KANK1: variants seen among roughly 807,000 people sequenced by gnomAD.
KANK1 encodes the protein KN motif and ankyrin repeat domains 1.
In KANK1, 109 loss-of-function variants were observed where a neutral mutation model predicts 106.2. The ratio of observed to expected loss-of-function variants is 1.03; its 90% CI spans 0.88 to 1.20. KANK1 has a LOEUF of 1.20. KANK1 is among the 50% of genes most tolerant of loss of function. The probability of loss-of-function intolerance (pLI) is 0.00; values close to 1 mark genes in which losing one functional copy is unlikely to be tolerated. For missense variants in KANK1, 2,399 were observed against 1,710.7 expected (o/e 1.40, Z -7.10); for synonymous variants, 873 against 652.2 (o/e 1.34, Z -5.16).
At chr9:574,973 A>G (rs903128144) in intron 1 of KANK1, among the ~76,000 whole-genome samples, 28 of 152,120 alleles carry the variant, frequency 1.8e-4, no homozygotes, top group African/African-American at 6.3e-4. Context: ...GTCATTTTAC[A>G]TATCAAAAGC....
intron 1 of KANK1, among the ~76,000 whole-genome samples, chr9:516,778 G>T (rs912739236): frequency 6.6e-6 from 1 of 151,554 alleles, no homozygotes; most frequent in African/African-American, 2.4e-5. Flanking sequence ...GCATACTAAG[G>T]CTGTCAGATC....
At chr9:535,211 A>G (rs2060242055) in intron 1 of KANK1, among the ~76,000 whole-genome samples, 1 of 152,104 alleles carries the variant, frequency 6.6e-6, no homozygotes, top group Non-Finnish European at 1.5e-5. Flanking sequence ...AGACCTCAGT[A>G]CCTATGTCCC....
rs539791334 is a variant in KANK1 at position 696,624 on chromosome 9, G to A, written c.38-14180G>A. On this transcript the variant is annotated intron_variant, in intron 2 of 11. Coordinates refer to ENST00000382297, the MANE Select transcript of KANK1 (RefSeq NM_015158.5). ...TTCTCAGTACGTTGAGGTTTGGGGT[G>A]GGGAGGAACCTGGGAGGTGCTGGAT... Among the ~76,000 whole-genome samples, 118 of 152,208 alleles carry A rather than the reference G, an allele frequency of 7.8e-4. No homozygotes were observed. In the Middle Eastern group the frequency reaches 0.01, roughly 13 times the overall value.
rs1453117790 is a variant in KANK1, at chr9:597,786, C to T, written c.-83-79104C>T. Among the ~76,000 whole-genome samples the T allele has an allele frequency of 2.0e-5, 3 of 151,726 alleles. No homozygotes were observed. The East Asian group carries it at 5.8e-4, about 29-fold the overall frequency. Reference sequence around the variant, plus strand: ...TCAAGTGATTCTCCTGCCTCAGCCTCCTGGGTAGCTGGGATTACAGGCATG... The same window carrying T: ...TCAAGTGATTCTCCTGCCTCAGCCTTCTGGGTAGCTGGGATTACAGGCATG... On this transcript the variant is annotated intron_variant, in intron 1 of 11. Coordinates refer to ENST00000382297, the MANE Select transcript of KANK1 (RefSeq NM_015158.5).
chr9:626,483 A>G (rs1834376212), intron 1 of KANK1, among the ~76,000 whole-genome samples: 1 of 152,230 alleles, frequency 6.6e-6, no homozygotes, highest in African/African-American at 2.4e-5. Context: ...TATTCTAGAT[A>G]CAAATATTCT....
At position 474,620 on chromosome 9, in the gene KANK1, T is replaced by G. The variant is rs540868709; in HGVS notation, c.-362+1347T>G. The stretch of plus-strand genomic sequence containing the variant: ...TCTAAAAAAGTATATGTGTGTAATT[T>G]CTATGCCTTCCCTCCACTCTCCCAT... On this transcript the variant is annotated intron_variant, in intron 3 of 15. Transcript: ENST00000382303. 5.9e-5 allele frequency among the ~76,000 whole-genome samples: 9 copies of G among 152,332 alleles called. No individual in the cohort carries two copies. The East Asian group carries it at 1.7e-3, about 29-fold the overall frequency.
At chr9:719,766 G>T (rs955912746) in intron 3 of KANK1, among the ~76,000 whole-genome samples, 13 of 151,744 alleles carry the variant, frequency 8.6e-5, no homozygotes, top group African/African-American at 3.1e-4. Flanking sequence ...TTTTTTAAGA[G>T]ATGGGGTCTT....
chr9:730,458 AAGG>A (rs1335312107), intron 4 of KANK1: 162 of 561,818 alleles, frequency 2.9e-4, no homozygotes, highest in Non-Finnish European at 4.3e-4. Context: ...TTGGGAGGCC[AAGG>A]CAGGCAGATC....
At chr9:611,579 A>G (rs929072003) in intron 1 of KANK1, among the ~76,000 whole-genome samples, 1 of 152,360 alleles carries the variant, frequency 6.6e-6, no homozygotes, top group Non-Finnish European at 1.5e-5. Flanking sequence ...TGTCGATCCC[A>G]TTAGATAGGA....
At chr9:499,332 C>T (rs10974840) in intron 3 of KANK1, among the ~76,000 whole-genome samples, 24,851 of 151,984 alleles carry the variant, frequency 0.16, 4,011 homozygotes, top group African/African-American at 0.42. Context: ...GTGGAACAAC[C>T]TCAGTGTCCA....
At chr9:636,402 C>T (rs1837148011) in intron 1 of KANK1, among the ~76,000 whole-genome samples, 2 of 152,184 alleles carry the variant, frequency 1.3e-5, no homozygotes, top group Admixed American at 6.5e-5. Context: ...AAATATCCAC[C>T]TTCCCTTTTA....
Position 734,731 on chromosome 9 carries a change from G to GT in KANK1, c.3246-11dup, listed in dbSNP as rs755516538. On this transcript the variant is annotated splice_polypyrimidine_tract_variant and intron_variant, in intron 6 of 11. Transcript: ENST00000382297. ...TTCTTCTTGTGACCAATCGTAACTT[G>GT]TTTTTTCTCCTTTCAGGTATGAATT... 6.4e-7 allele frequency: 1 copy of GT among 1,557,522 alleles called. No individual in the cohort carries two copies. Among genetic ancestry groups the GT allele is most frequent in the South Asian group, 1.1e-5 (1 of 89,658 alleles).
chr9:584,023 T>G (rs1434083948), intron 1 of KANK1, among the ~76,000 whole-genome samples: 1 of 152,144 alleles, frequency 6.6e-6, no homozygotes, highest in Non-Finnish European at 1.5e-5. Context: ...TATCAGATCC[T>G]CACATTTTCT....
At chr9:544,281 C>T (rs1314111322) in intron 1 of KANK1, among the ~76,000 whole-genome samples, 2 of 152,136 alleles carry the variant, frequency 1.3e-5, no homozygotes, top group African/African-American at 4.8e-5. Flanking sequence ...ACTTGGCCTC[C>T]CGAAGTGCTA....
intron 2 of KANK1, chr9:686,715 G>A (rs1222923389): frequency 1.1e-5 from 11 of 961,826 alleles, no homozygotes; most frequent in African/African-American, 1.8e-5. Flanking sequence ...GCAGCATCAC[G>A]TCATAAGTGC....
intron 1 of KANK1, among the ~76,000 whole-genome samples, chr9:664,985 C>T (rs1343673416): frequency 6.6e-6 from 1 of 152,186 alleles, no homozygotes; most frequent in East Asian, 1.9e-4. Context: ...AATACCTGTT[C>T]AGGCCTTTTG....
chr9:504,013 G>T (rs1181679901), upstream of KANK1, among the ~76,000 whole-genome samples: 1 of 152,180 alleles, frequency 6.6e-6, no homozygotes, highest in African/African-American at 2.4e-5. Context: ...CAAGGGAGGT[G>T]CCCTTGGAGG....
intron 1 of KANK1, among the ~76,000 whole-genome samples, chr9:662,581 T>G (rs901477396): frequency 1.1e-4 from 17 of 151,948 alleles, no homozygotes; most frequent in African/African-American, 4.1e-4. Flanking sequence ...CATTCCCTGT[T>G]TAATAAGTGG....
At chr9:601,996 G>A (rs1827864622) in intron 1 of KANK1, among the ~76,000 whole-genome samples, 1 of 151,832 alleles carries the variant, frequency 6.6e-6, no homozygotes. Flanking sequence ...GTTGTACCAG[G>A]TCTGAAACTC....
Sources: allele counts gnomAD v4.1 joint callset (sites outside exome capture counted in the v4.1 genomes callset), GRCh38; gene constraint gnomAD v4.1.1; transcripts MANE v1.5; gene names NCBI Gene and HGNC (gene_info 2026-07-23, HGNC 2026-07-21).